GNB1: variants seen among roughly 807,000 people sequenced by gnomAD.
GNB1 encodes G protein subunit beta 1, also known as guanine nucleotide-binding protein G(I)/G(S)/G(T) subunit beta-1.
Under a neutral mutation model 42.9 loss-of-function variants are expected in GNB1, and 2 were observed. The observed-to-expected ratio is 0.05, with a 90% CI of 0.02 to 0.15. The LOEUF is 0.15. Ranked by LOEUF, GNB1 falls within the 10% of genes least tolerant of loss-of-function variation. GNB1 has a pLI of 1.00. For synonymous variants in GNB1, 183 were observed against 174.7 expected, an observed-to-expected ratio of 1.05 and a Z score of -0.38; for missense variants, 193 against 462.2, an observed-to-expected ratio of 0.42 and a Z score of 5.34.
intron 1 of GNB1, among the ~76,000 whole-genome samples, chr1:1,888,222 G>C (rs1422050393): frequency 6.6e-6 from 1 of 152,084 alleles, no homozygotes; most frequent in Non-Finnish European, 1.5e-5. Context: ...TTTCATGTTG[G>C]AACAGTTTCC....
intron 2 of GNB1, among the ~76,000 whole-genome samples, chr1:1,833,106 C>G (rs1400973418): frequency 1.3e-5 from 2 of 152,254 alleles, no homozygotes; most frequent in East Asian, 1.9e-4. Context: ...TAGCCGCACA[C>G]CCCTGAGCCT....
chr1:1,788,078 A>G (rs1411551385), intron 10 of GNB1: 1 of 152,280 alleles, frequency 6.6e-6, no homozygotes, highest in East Asian at 1.9e-4. Context: ...AGCAATCTGT[A>G]ACACAGGAGC....
intron 1 of GNB1, among the ~76,000 whole-genome samples, chr1:1,890,596 G>A (rs910637118): frequency 6.7e-6 from 1 of 148,596 alleles, no homozygotes; most frequent in African/African-American, 2.4e-5. Context: ...TTGGGCCTGG[G>A]ACCCCGGCTC....
At chr1:1,866,187 G>A (rs771511840) in intron 1 of GNB1, among the ~76,000 whole-genome samples, 2 of 152,320 alleles carry the variant, frequency 1.3e-5, no homozygotes, top group South Asian at 2.1e-4. Context: ...TGATCCACCC[G>A]CCTTGGTCTC....
intron 1 of GNB1, among the ~76,000 whole-genome samples, chr1:1,860,719 A>ATTTT: frequency 6.6e-6 from 1 of 151,700 alleles, no homozygotes; most frequent in African/African-American, 2.4e-5. Context: ...TCTCAAAAAA[A>ATTTT]AAGAGGGAGG....
At chr1:1,856,923 C>G (rs1012533479) in intron 1 of GNB1, among the ~76,000 whole-genome samples, 1 of 152,160 alleles carries the variant, frequency 6.6e-6, no homozygotes, top group Non-Finnish European at 1.5e-5. Context: ...GGGAAGTATC[C>G]TACAAAACAG....
At chr1:1,886,040 G>A (rs191607658) in intron 1 of GNB1, among the ~76,000 whole-genome samples, 10 of 150,948 alleles carry the variant, frequency 6.6e-5, no homozygotes, top group African/African-American at 1.9e-4. Flanking sequence ...GGCAGGGCAC[G>A]GTGGCTCACG....
At chr1:1,850,589 A>C (rs1647928046) in intron 1 of GNB1, among the ~76,000 whole-genome samples, 1 of 152,016 alleles carries the variant, frequency 6.6e-6, no homozygotes, top group African/African-American at 2.4e-5. Flanking sequence ...CTAACATTTC[A>C]ATTTAACTTT....
intron 1 of GNB1, among the ~76,000 whole-genome samples, chr1:1,875,781 T>C (rs765015258): frequency 5.9e-5 from 9 of 152,030 alleles, no homozygotes; most frequent in Non-Finnish European, 1.2e-4. Context: ...GCAAGAGAGC[T>C]AGAAACACAA....
At chr1:1,855,346 A>G (rs1200400850) in intron 1 of GNB1, among the ~76,000 whole-genome samples, 2 of 151,072 alleles carry the variant, frequency 1.3e-5, no homozygotes, top group African/African-American at 4.9e-5. Context: ...AGAAAAGAAA[A>G]GAAGAAAAAA....
chr1:1,843,531 TATTTTA>T (rs1263954517), intron 1 of GNB1, among the ~76,000 whole-genome samples: 4 of 152,204 alleles, frequency 2.6e-5, no homozygotes, highest in African/African-American at 4.8e-5. Context: ...CCAGCTGCTC[TATTTTA>T]ATGCCTAGAT....
At chr1:1,822,300 C>CTTTT (rs33922220) in intron 3 of GNB1, among the ~76,000 whole-genome samples, 1 of 97,744 alleles carries the variant, frequency 1.0e-5, no homozygotes, top group African/African-American at 3.2e-5. Context: ...TCTCTTTTTA[C>CTTTT]TTTTTTTTTT....
intron 5 of GNB1, among the ~76,000 whole-genome samples, chr1:1,808,681 T>G (rs1646735612): frequency 6.6e-6 from 1 of 152,340 alleles, no homozygotes; most frequent in Admixed American, 6.5e-5. Flanking sequence ...TCTCGCTCTG[T>G]CACCCAGGCT....
chr1:1,889,245 C>T (rs1197190656), intron 1 of GNB1, among the ~76,000 whole-genome samples: 2 of 151,610 alleles, frequency 1.3e-5, no homozygotes, highest in African/African-American at 4.8e-5. Flanking sequence ...GAAAAATAAT[C>T]TTCATATTTT....
In GNB1 at chr1:1,890,982, GC is replaced by G. The variant is rs1650480546; in HGVS notation, c.-259del. The G allele has an allele frequency of 6.6e-6, 1 of 150,768 alleles. No homozygotes were observed. Among genetic ancestry groups the G allele is most frequent in the Non-Finnish European group, 1.5e-5 (1 of 68,358 alleles). The allele number at this position is 150,768 out of a possible 1,614,324, so 9.3% of individuals were successfully genotyped here. On this transcript the variant is annotated 5_prime_UTR_variant, in exon 1 of 12. Transcript: ENST00000378609. ...CGCCGCGGCGGCTGCTCCACTCCCGGCCCCGCTCCCCACTCGCCGCCCGCTC... is the reference window on the plus strand; with the variant it reads ...CGCCGCGGCGGCTGCTCCACTCCCGGCCCGCTCCCCACTCGCCGCCCGCTC...
At chr1:1,825,972 A>C (rs950311801) in intron 2 of GNB1, among the ~76,000 whole-genome samples, 3 of 152,244 alleles carry the variant, frequency 2.0e-5, no homozygotes, top group African/African-American at 7.2e-5. Context: ...GGCCAGGTAA[A>C]TAAAATATAA....
In GNB1 at chr1:1,834,870, G is replaced by A. The variant is rs112389822; in HGVS notation, c.-47+4320C>T. ...TTTTTATTAGAGACGGGGTTTCACC[G>A]TGTTAGCCAGGATGGTCTTGATCTC... On this transcript the variant is annotated intron_variant, in intron 2 of 11. Coordinates refer to ENST00000378609, the MANE Select transcript of GNB1 (RefSeq NM_002074.5). Among the ~76,000 whole-genome samples the A allele has an allele frequency of 1.4e-4, 21 of 151,904 alleles. 1 individual carries two copies. Among genetic ancestry groups the A allele is most frequent in the Admixed American group, 3.3e-4 (5 of 15,230 alleles).
intron 1 of GNB1, among the ~76,000 whole-genome samples, chr1:1,866,168 G>T (rs1648928639): frequency 1.3e-5 from 2 of 152,204 alleles, no homozygotes; most frequent in South Asian, 4.1e-4. Flanking sequence ...TCAAACTCCT[G>T]ACCTCAGGTG....
intron 1 of GNB1, among the ~76,000 whole-genome samples, chr1:1,840,314 G>C (rs988251685): frequency 6.6e-6 from 1 of 151,640 alleles, no homozygotes; most frequent in African/African-American, 2.4e-5. Flanking sequence ...GGATCACAAG[G>C]TAAAGAGTTC....
Sources: gnomAD v4.1 joint callset for allele counts (sites outside exome capture counted in the v4.1 genomes callset) on GRCh38, gnomAD v4.1.1 for gene constraint, MANE v1.5 for transcripts, NCBI Gene and HGNC (gene_info 2026-07-23, HGNC 2026-07-21) for gene names.